LRMDA: variants seen among roughly 807,000 people sequenced by gnomAD.
LRMDA encodes the protein leucine rich melanocyte differentiation associated.
Under a neutral mutation model 29.8 loss-of-function variants are expected in LRMDA, and 18 were observed. The observed-to-expected ratio is 0.60, with a 90% CI of 0.42 to 0.90. The LOEUF is 0.90. Among genes scored for constraint, LRMDA ranks in the 40% least tolerant of loss-of-function variants. LRMDA has a pLI of 0.00. For missense variants in LRMDA, 273 were observed against 273.9 expected (o/e 1.00, Z 0.02); for synonymous variants, 125 against 109.4 (o/e 1.14, Z -0.89).
At position 76,007,031 on chromosome 10, in the gene LRMDA, T is replaced by TGTGTGTGTGTGTGTGC. The variant is rs1230411095; in HGVS notation, c.132-28976_132-28975insTGTGTGTGTGTGTGCG. On this transcript the variant is annotated intron_variant, in intron 2 of 6. Transcript: ENST00000611255. ...GTGTGTGTGTGTGTGTGTGTGTGTGTGCGCGTGTGTGTTTATATATTTATT... is the reference window on the plus strand; with the variant it reads ...GTGTGTGTGTGTGTGTGTGTGTGTGTGTGTGTGTGTGTGTGCGCGCGTGTGTGTTTATATATTTATT... 2.5e-3 allele frequency among the ~76,000 whole-genome samples: 67 copies of TGTGTGTGTGTGTGTGC among 26,958 alleles called. 1 individual carries two copies. Among genetic ancestry groups the TGTGTGTGTGTGTGTGC allele is most frequent in the East Asian group, 0.014 (18 of 1,270 alleles). The allele number at this position is 26,958 out of a possible 152,430, so 17.7% of individuals were successfully genotyped here.
intron 2 of LRMDA, among the ~76,000 whole-genome samples, chr10:75,885,339 G>A (rs965850232): frequency 1.3e-5 from 2 of 152,130 alleles, no homozygotes; most frequent in Non-Finnish European, 1.5e-5. Context: ...TAACTGTTTC[G>A]GATGTGATCC....
At chr10:75,437,399 A>G (rs1170917550) in intron 1 of LRMDA, among the ~76,000 whole-genome samples, 1 of 152,276 alleles carries the variant, frequency 6.6e-6, no homozygotes, top group African/African-American at 2.4e-5. Flanking sequence ...GGAAACCAGA[A>G]GAAGGTTATA....
At chr10:75,528,209 G>A (rs557173142) in intron 2 of LRMDA, among the ~76,000 whole-genome samples, 3 of 152,162 alleles carry the variant, frequency 2.0e-5, no homozygotes, top group Non-Finnish European at 4.4e-5. Context: ...CTGCGAGTTG[G>A]TAGCACAAGT....
chr10:75,574,860 C>A (rs749814801), intron 2 of LRMDA, among the ~76,000 whole-genome samples: 2 of 152,160 alleles, frequency 1.3e-5, no homozygotes, highest in Non-Finnish European at 2.9e-5. Context: ...TTAGTCCATT[C>A]TCACACTGCT....
At position 76,091,833 on chromosome 10, in the gene LRMDA, G is replaced by A. The variant is rs115810320; in HGVS notation, c.516+33050G>A. On this transcript the variant is annotated intron_variant, in intron 5 of 6. Transcript: ENST00000611255. ...CCTGAGTAGCTGGGACTACAGGTGT[G>A]TGCCACCACATCTGGGTGATTTAAA... Among the ~76,000 whole-genome samples, 637 of 151,652 alleles carry A rather than the reference G, an allele frequency of 4.2e-3. 2 individuals are homozygous for A. The highest frequency in any genetic ancestry group is 0.015 in the African/African-American group (612 of 41,268).
intron 5 of LRMDA, among the ~76,000 whole-genome samples, chr10:76,315,544 ACT>A (rs1840682818): frequency 6.6e-6 from 1 of 152,196 alleles, no homozygotes; most frequent in South Asian, 2.1e-4. Context: ...TCAGGGCAGC[ACT>A]CACACGCTAG....
intron 6 of LRMDA, among the ~76,000 whole-genome samples, chr10:76,376,769 G>T (rs1023745092): frequency 1.4e-5 from 2 of 147,330 alleles, no homozygotes; most frequent in African/African-American, 2.5e-5. Context: ...ATTCTGACTG[G>T]TATATGATGG....
At chr10:75,676,142 T>G (rs934132599) in intron 2 of LRMDA, among the ~76,000 whole-genome samples, 5 of 152,200 alleles carry the variant, frequency 3.3e-5, no homozygotes, top group Admixed American at 3.3e-4. Context: ...TGCCTTTGAT[T>G]CCAGGCTGAG....
At chr10:75,470,465 C>G (rs1198995204) in intron 2 of LRMDA, among the ~76,000 whole-genome samples, 1 of 152,218 alleles carries the variant, frequency 6.6e-6, no homozygotes, top group Non-Finnish European at 1.5e-5. Context: ...CCACTGCACT[C>G]CAGCCTGGGA....
chr10:75,947,788 A>C lies in LRMDA; in HGVS notation c.132-88220A>C, dbSNP rs1451016647. Among the ~76,000 whole-genome samples, 5 of 152,170 alleles carry C rather than the reference A, an allele frequency of 3.3e-5. No homozygotes were observed. In the East Asian group the frequency reaches 9.6e-4, roughly 29 times the overall value. ...ACACACACATACTTCACGGTACCAG[A>C]GTGCTGAGCCTTTGACTTTGGGCAG... On this transcript the variant is annotated intron_variant, in intron 2 of 6. Coordinates refer to ENST00000611255, the MANE Select transcript of LRMDA (RefSeq NM_001305581.2).
chr10:75,471,666 T>G (rs1432139130), intron 2 of LRMDA, among the ~76,000 whole-genome samples: 2 of 152,236 alleles, frequency 1.3e-5, no homozygotes, highest in Non-Finnish European at 2.9e-5. Flanking sequence ...ATAATATTCA[T>G]GATAATCTTT....
intron 2 of LRMDA, among the ~76,000 whole-genome samples, chr10:75,585,253 A>G (rs1840642962): frequency 6.6e-6 from 1 of 152,224 alleles, no homozygotes; most frequent in Admixed American, 6.5e-5. Flanking sequence ...ATCATATAGC[A>G]TATTGCTCAA....
At chr10:75,560,199 C>T (rs1415393486) in intron 2 of LRMDA, among the ~76,000 whole-genome samples, 5 of 151,748 alleles carry the variant, frequency 3.3e-5, no homozygotes, top group African/African-American at 7.2e-5. Flanking sequence ...TGTATCCTCT[C>T]TTATTTCATT....
chr10:76,191,475 A>G (rs773831899), intron 5 of LRMDA, among the ~76,000 whole-genome samples: 5 of 152,198 alleles, frequency 3.3e-5, no homozygotes, highest in Non-Finnish European at 7.3e-5. Flanking sequence ...TCAGCCCCTG[A>G]TAAGAGGCTG....
chr10:76,088,741 A>C (rs1270915646), intron 5 of LRMDA, among the ~76,000 whole-genome samples: 1 of 152,212 alleles, frequency 6.6e-6, no homozygotes, highest in Non-Finnish European at 1.5e-5. Flanking sequence ...TGAATCCACA[A>C]AGTTAATAAA....
At chr10:75,560,190 G>C (rs1318512691) in intron 2 of LRMDA, among the ~76,000 whole-genome samples, 1 of 151,928 alleles carries the variant, frequency 6.6e-6, no homozygotes, top group Non-Finnish European at 1.5e-5. Context: ...CCATTTGTTT[G>C]TATCCTCTCT....
intron 6 of LRMDA, among the ~76,000 whole-genome samples, chr10:76,549,585 A>G (rs1412721908): frequency 6.6e-6 from 1 of 152,238 alleles, no homozygotes; most frequent in East Asian, 1.9e-4. Flanking sequence ...AGAAGACAGC[A>G]TATCAGAACC....
At chr10:76,391,428 G>A (rs1841722838) in intron 6 of LRMDA, among the ~76,000 whole-genome samples, 1 of 152,210 alleles carries the variant, frequency 6.6e-6, no homozygotes, top group South Asian at 2.1e-4. Flanking sequence ...TGCAGGATAA[G>A]TAAAGATAAC....
intron 6 of LRMDA, among the ~76,000 whole-genome samples, chr10:76,544,070 T>A (rs1482725620): frequency 6.6e-6 from 1 of 152,168 alleles, no homozygotes; most frequent in Admixed American, 6.5e-5. Flanking sequence ...GGGAGTCTAA[T>A]ATCCATAGAG....
Sources: gnomAD v4.1 joint callset for allele counts (sites outside exome capture counted in the v4.1 genomes callset) on GRCh38, gnomAD v4.1.1 for gene constraint, MANE v1.5 for transcripts, NCBI Gene and HGNC (gene_info 2026-07-23, HGNC 2026-07-21) for gene names.